Variants in ZNF469 observed in about 807,000 individuals in gnomAD.
ZNF469 encodes the protein zinc finger protein 469.
Under a neutral mutation model 1.0 loss-of-function variants are expected in ZNF469, and 1 was observed. The ratio of observed to expected loss-of-function variants is 1.00; its 90% CI spans 0.35 to 4.73. The LOEUF is 4.73. Among genes scored for constraint, ZNF469 ranks in the 30% most tolerant of loss-of-function variants. ZNF469 has a pLI of 0.16. For missense variants in ZNF469, 6,100 were observed against 5,356.3 expected (o/e 1.14, Z -4.33); for synonymous variants, 2,703 against 2,363.4 (o/e 1.14, Z -4.17).
chr16:88,233,267 G>A, the ZNF469 span, among the ~76,000 whole-genome samples: 74 of 152,186 alleles, frequency 4.9e-4, no homozygotes, highest in African/African-American at 1.7e-3. Context: ...GTGTAGCCTC[G>A]TTTCTGCTTC....
chr16:88,268,811 C>T, the ZNF469 span, among the ~76,000 whole-genome samples: 3 of 152,164 alleles, frequency 2.0e-5, no homozygotes, highest in Non-Finnish European at 2.9e-5. Context: ...TGAAGTACAT[C>T]GAATGTTTTC....
the ZNF469 span, among the ~76,000 whole-genome samples, chr16:88,108,769 A>C: frequency 6.6e-6 from 1 of 152,178 alleles, no homozygotes; most frequent in Non-Finnish European, 1.5e-5. Context: ...CATGGGCACC[A>C]ATAGCTTCTT....
the ZNF469 span, among the ~76,000 whole-genome samples, chr16:88,366,513 C>A: frequency 6.7e-6 from 1 of 150,310 alleles, no homozygotes; most frequent in Non-Finnish European, 1.5e-5. Flanking sequence ...CCATCACTAT[C>A]ATCATTATCA....
At chr16:88,387,839 C>T (rs1225515826) in intron 1 of ZNF469, among the ~76,000 whole-genome samples, 2 of 152,186 alleles carry the variant, frequency 1.3e-5, no homozygotes, top group Non-Finnish European at 2.9e-5. Flanking sequence ...AGCTCTGCCC[C>T]CCGCCGTGGA....
the ZNF469 span, among the ~76,000 whole-genome samples, chr16:88,114,259 G>A: frequency 4.1e-3 from 552 of 133,904 alleles, 17 homozygotes; most frequent in East Asian, 0.022. Context: ...CACTGCGGGT[G>A]TCTCCGGGGA....
the ZNF469 span, among the ~76,000 whole-genome samples, chr16:88,203,040 C>T: frequency 3.0e-4 from 45 of 152,228 alleles, no homozygotes; most frequent in Middle Eastern, 3.4e-3. Context: ...GTGGTCAAAT[C>T]GGAGCGGGGG....
intron 1 of ZNF469, among the ~76,000 whole-genome samples, chr16:88,401,913 TG>T (rs1904885626): frequency 7.5e-6 from 1 of 133,590 alleles, no homozygotes; most frequent in Non-Finnish European, 1.6e-5. Context: ...GATGGAGGGA[TG>T]GATGGATGGA....
rs1346721837 is a variant in ZNF469 at position 88,429,183 on chromosome 16, A to G, written c.1713A>G (p.Ser571=). 6.5e-7 allele frequency: 1 copy of G among 1,549,404 alleles called. No homozygotes were observed. The highest frequency in any genetic ancestry group is 1.4e-5 in the African/African-American group (1 of 72,842). ...LFFGVAQPQV[S]PHGTPSLPPP... ...TCGGGGTGGCCCAGCCCCAGGTTTCACCCCACGGGACACCCAGCCTGCCCC... is the reference window on the plus strand; with the variant it reads ...TCGGGGTGGCCCAGCCCCAGGTTTCGCCCCACGGGACACCCAGCCTGCCCC... The change falls in exon 3 of 3, where the codon TCA becomes TCG. Residue 571 remains serine (S), a synonymous_variant. Transcript: ENST00000565624.
the ZNF469 span, among the ~76,000 whole-genome samples, chr16:88,269,001 G>A: frequency 6.6e-6 from 1 of 152,212 alleles, no homozygotes; most frequent in African/African-American, 2.4e-5. Flanking sequence ...CTGCCGGGAG[G>A]AGAGATGGTA....
the ZNF469 span, among the ~76,000 whole-genome samples, chr16:88,214,150 G>C: frequency 6.6e-6 from 1 of 152,190 alleles, no homozygotes; most frequent in East Asian, 1.9e-4. Flanking sequence ...GAAGCATGGA[G>C]GCACATGAAT....
the ZNF469 span, among the ~76,000 whole-genome samples, chr16:88,103,125 G>A: frequency 5.9e-3 from 896 of 152,298 alleles, 9 homozygotes; most frequent in African/African-American, 0.02. Context: ...GGTTTCTGGC[G>A]GACGCCCCTT....
At chr16:88,208,624 A>G in the ZNF469 span, among the ~76,000 whole-genome samples, 3,795 of 49,748 alleles carry the variant, frequency 0.076, 110 homozygotes, top group Non-Finnish European at 0.1. Flanking sequence ...AGGGAGGAGA[A>G]GTGGGAGGGA....
At chr16:88,274,852 G>T in the ZNF469 span, among the ~76,000 whole-genome samples, 21 of 152,332 alleles carry the variant, frequency 1.4e-4, no homozygotes, top group African/African-American at 5.1e-4. Context: ...ACCTGACATG[G>T]TTCGCAGACG....
At chr16:88,262,786 C>A in the ZNF469 span, among the ~76,000 whole-genome samples, 5 of 152,026 alleles carry the variant, frequency 3.3e-5, no homozygotes, top group Non-Finnish European at 7.4e-5. This position sits in a 1 kb window ranked among gnomAD's most constrained non-coding sequence, Gnocchi z 4.3. Context: ...ATCAAAGATT[C>A]TCATAAACAG....
chr16:88,104,091 C>T, the ZNF469 span, among the ~76,000 whole-genome samples: 7 of 151,964 alleles, frequency 4.6e-5, no homozygotes, highest in Admixed American at 1.3e-4. Flanking sequence ...CACACAGCCC[C>T]GCAAGGCAAA....
At chr16:88,309,259 T>C in the ZNF469 span, among the ~76,000 whole-genome samples, 1 of 152,198 alleles carries the variant, frequency 6.6e-6, no homozygotes, top group Non-Finnish European at 1.5e-5. Context: ...GTGCTGGCAA[T>C]TTGAGGAGGG....
At chr16:88,132,816 G>T in the ZNF469 span, among the ~76,000 whole-genome samples, 1 of 152,200 alleles carries the variant, frequency 6.6e-6, no homozygotes, top group Non-Finnish European at 1.5e-5. Context: ...AGAGGTGGAG[G>T]CCTCCGCACA....
At chr16:88,228,279 C>T in the ZNF469 span, among the ~76,000 whole-genome samples, 41 of 152,350 alleles carry the variant, frequency 2.7e-4, no homozygotes, top group Middle Eastern at 0.014. Flanking sequence ...CTCCGAGCAA[C>T]GGGATGAGGG....
At chr16:88,331,689 CCAT>C in the ZNF469 span, among the ~76,000 whole-genome samples, 4 of 151,294 alleles carry the variant, frequency 2.6e-5, no homozygotes, top group Admixed American at 1.3e-4. Context: ...ACTATTATCA[CCAT>C]CATCACCACC....
Sources: gnomAD v4.1 joint callset for allele counts (sites outside exome capture counted in the v4.1 genomes callset) on GRCh38, gnomAD v4.1.1 for gene constraint, Gnocchi (gnomAD v3.1) non-coding constraint, MANE v1.5 for transcripts, NCBI Gene and HGNC (gene_info 2026-07-23, HGNC 2026-07-21) for gene names.